ATXN7L1: variants seen among roughly 807,000 people sequenced by gnomAD.
The protein encoded by ATXN7L1 is ataxin-7-like protein 1.
Under a neutral mutation model 70.8 loss-of-function variants are expected in ATXN7L1, and 15 were observed. The observed-to-expected ratio is 0.21, with a 90% CI of 0.14 to 0.33. The LOEUF (loss-of-function observed/expected upper bound fraction) is 0.33. Ranked by LOEUF, ATXN7L1 falls within the 10% of genes least tolerant of loss-of-function variation. ATXN7L1 has a pLI of 1.00. For synonymous variants in ATXN7L1, 440 were observed against 445.1 expected (o/e 0.99, Z 0.14); for missense variants, 975 against 1,097.1 (o/e 0.89, Z 1.57).
At chr7:105,709,712 C>G (rs940710447) in intron 3 of ATXN7L1, among the ~76,000 whole-genome samples, 2 of 152,170 alleles carry the variant, frequency 1.3e-5, no homozygotes, top group Non-Finnish European at 2.9e-5. Context: ...CATTTTCTCT[C>G]ATTCCCTGTG....
intron 11 of ATXN7L1, 153 bp from the exon 12 acceptor site, chr7:105,608,043 G>C (rs1326295150): frequency 1.4e-6 from 1 of 721,388 alleles, no homozygotes; most frequent in Non-Finnish European, 2.4e-6. Context: ...AATAGCAAGA[G>C]ATGATGGATC....
intron 3 of ATXN7L1, among the ~76,000 whole-genome samples, chr7:105,680,629 A>G (rs1805413141): frequency 6.6e-6 from 1 of 152,144 alleles, no homozygotes; most frequent in East Asian, 1.9e-4. Context: ...TCTGTTCCCA[A>G]CAGTTAGGCT....
chr7:105,802,642 T>C (rs987994692), intron 2 of ATXN7L1, among the ~76,000 whole-genome samples: 2 of 152,210 alleles, frequency 1.3e-5, no homozygotes, highest in African/African-American at 4.8e-5. Context: ...TTTTTCATAG[T>C]GCCATCAAAC....
chr7:105,623,856 G>A (rs138953444), intron 8 of ATXN7L1, among the ~76,000 whole-genome samples: 117 of 152,290 alleles, frequency 7.7e-4, no homozygotes, highest in African/African-American at 2.6e-3. Context: ...AGTAGTATGT[G>A]GAAGTACTTG....
intron 3 of ATXN7L1, among the ~76,000 whole-genome samples, chr7:105,709,871 G>A (rs1178129375): frequency 1.4e-5 from 2 of 147,082 alleles, no homozygotes; most frequent in African/African-American, 5.2e-5. Context: ...AATAAAGCTT[G>A]CTTTGCTTTT....
At chr7:105,637,797 T>C (rs538999233) in intron 7 of ATXN7L1, among the ~76,000 whole-genome samples, 4 of 152,128 alleles carry the variant, frequency 2.6e-5, no homozygotes, top group Non-Finnish European at 4.4e-5. Context: ...GAGAGACATG[T>C]AAGGACAAAC....
At chr7:105,650,609 G>A (rs966167984) in intron 4 of ATXN7L1, among the ~76,000 whole-genome samples, 1 of 152,216 alleles carries the variant, frequency 6.6e-6, no homozygotes, top group African/African-American at 2.4e-5. Flanking sequence ...GGTTAGCAGG[G>A]CTCAATTTCA....
chr7:105,728,225 C>A (rs1169058116), intron 3 of ATXN7L1, among the ~76,000 whole-genome samples: 1 of 152,066 alleles, frequency 6.6e-6, no homozygotes, highest in Non-Finnish European at 1.5e-5. Context: ...AAAGTGCTGA[C>A]CTAAGTAACT....
At chr7:105,862,787 A>AGTTAAT (rs1352535693) in intron 2 of ATXN7L1, among the ~76,000 whole-genome samples, 2 of 152,194 alleles carry the variant, frequency 1.3e-5, no homozygotes, top group African/African-American at 4.8e-5. Context: ...TAAATGTCCC[A>AGTTAAT]GTTAATGGAG....
intron 4 of ATXN7L1, among the ~76,000 whole-genome samples, chr7:105,647,366 G>A (rs75269531): frequency 0.026 from 3,965 of 152,292 alleles, 196 homozygotes; most frequent in African/African-American, 0.09. Context: ...TTAAAAAACC[G>A]GCTGGGTACG....
intron 2 of ATXN7L1, among the ~76,000 whole-genome samples, chr7:105,835,748 A>C (rs1812284745): frequency 6.6e-6 from 1 of 152,244 alleles, no homozygotes; most frequent in Non-Finnish European, 1.5e-5. Flanking sequence ...TCATAAAACC[A>C]AAATAAATCC....
intron 2 of ATXN7L1, among the ~76,000 whole-genome samples, chr7:105,858,627 A>C (rs1185113520): frequency 1.3e-5 from 2 of 152,162 alleles, no homozygotes; most frequent in Admixed American, 6.5e-5. Context: ...CACCTTACGA[A>C]GTCATCCATA....
At chr7:105,778,328 G>A (rs373578522) in intron 3 of ATXN7L1, among the ~76,000 whole-genome samples, 71 of 134,682 alleles carry the variant, frequency 5.3e-4, no homozygotes, top group East Asian at 1.3e-3. Flanking sequence ...GCAACATGGC[G>A]AAACCCGCAT....
intron 3 of ATXN7L1, among the ~76,000 whole-genome samples, chr7:105,686,087 G>A (rs1806153427): frequency 6.6e-6 from 1 of 151,708 alleles, no homozygotes; most frequent in African/African-American, 2.4e-5. Context: ...GTCCATCTAA[G>A]GTTAGTTTCC....
chr7:105,708,862 C>T (rs1274019439), intron 3 of ATXN7L1, among the ~76,000 whole-genome samples: 2 of 152,156 alleles, frequency 1.3e-5, no homozygotes, highest in African/African-American at 4.8e-5. Flanking sequence ...TAGTCACGCG[C>T]CCTATTTGTA....
chr7:105,850,762 C>G (rs1326928106), intron 2 of ATXN7L1, among the ~76,000 whole-genome samples: 1 of 152,116 alleles, frequency 6.6e-6, no homozygotes, highest in Non-Finnish European at 1.5e-5. Context: ...GCAAGAGAGT[C>G]CCTCTCAGGA....
rs1263820583 is a variant in ATXN7L1, at chr7:105,607,056, G to T, written c.*796C>A. ...CCAGCTCAGACCACCACAGTCTCCAGTTTTTTTAGGGATCATCTCCTACCC... is the reference window on the plus strand; with the variant it reads ...CCAGCTCAGACCACCACAGTCTCCATTTTTTTTAGGGATCATCTCCTACCC... On this transcript the variant is annotated 3_prime_UTR_variant, in exon 12 of 12. Transcript: ENST00000419735. 1 of 152,380 alleles carries T rather than the reference G, an allele frequency of 6.6e-6. No homozygotes were observed. Among genetic ancestry groups the T allele is most frequent in the Non-Finnish European group, 1.5e-5 (1 of 68,308 alleles). The allele number at this position is 152,380 out of a possible 1,614,324, so 9.4% of individuals were successfully genotyped here.
intron 2 of ATXN7L1, among the ~76,000 whole-genome samples, chr7:105,796,086 T>A (rs1805947717): frequency 6.6e-6 from 1 of 152,204 alleles, no homozygotes; most frequent in Non-Finnish European, 1.5e-5. Context: ...AAGTCTTAGC[T>A]GGGCGTGGTG....
At chr7:105,682,692 A>G (rs1301357825) in intron 3 of ATXN7L1, among the ~76,000 whole-genome samples, 1 of 152,238 alleles carries the variant, frequency 6.6e-6, no homozygotes, top group Non-Finnish European at 1.5e-5. Context: ...AAGGTCATAT[A>G]TATATAGTAT....
Sources: gnomAD v4.1 joint callset for allele counts (sites outside exome capture counted in the v4.1 genomes callset) on GRCh38, gnomAD v4.1.1 for gene constraint, MANE v1.5 for transcripts, NCBI Gene and HGNC (gene_info 2026-07-23, HGNC 2026-07-21) for gene names.